Variants in EGFR observed in about 807,000 individuals in gnomAD.
EGFR encodes avian erythroblastic leukemia viral (v-erb-b) oncogene homolog.
A neutral mutation model predicts 143.0 loss-of-function variants in EGFR; 58 were observed. The observed-to-expected ratio is 0.41, with a 90% CI of 0.33 to 0.50. EGFR has a LOEUF of 0.50. Among genes scored for constraint, EGFR ranks in the 20% least tolerant of loss-of-function variants. The pLI, the probability that EGFR is intolerant of heterozygous loss-of-function variation, is 0.39. For synonymous variants in EGFR, 613 were observed against 594.4 expected, an observed-to-expected ratio of 1.03 and a Z score of -0.45; for missense variants, 1,307 against 1,579.0, an observed-to-expected ratio of 0.83 and a Z score of 2.92.
intron 20 of EGFR, among the ~76,000 whole-genome samples, chr7:55,185,737 G>A (rs949066004): frequency 2.6e-5 from 4 of 152,188 alleles, no homozygotes; most frequent in African/African-American, 4.8e-5. Flanking sequence ...AACAACGCAC[G>A]GTAGCGGTGG....
At chr7:55,134,367 G>T (rs552270947) in intron 1 of EGFR, among the ~76,000 whole-genome samples, 1 of 151,448 alleles carries the variant, frequency 6.6e-6, no homozygotes. Flanking sequence ...CCACATGCAG[G>T]TCCAGTTCCA....
intron 8 of EGFR, 38 bp downstream of exon 8, chr7:55,155,984 C>A (rs756738261): frequency 1.3e-6 from 2 of 1,514,578 alleles, no homozygotes; most frequent in Non-Finnish European, 1.8e-6. Flanking sequence ...GGCTTGTTCT[C>A]GGCTGCTGAG....
chr7:55,198,726 T>C lies in EGFR; in HGVS notation c.2711T>C (p.Val904Ala). ...QSDVWSYGVT[V>A]WELMTFGSKP... ...TGCTTCATCCTCTCAGGGGTGACTG[T>C]TTGGGAGTTGATGACCTTTGGATCC... The change falls in exon 23 of 28, where the codon GTT becomes GCT. Residue 904 changes from valine (V) to alanine (A), a missense_variant. Transcript: ENST00000275493. 1 of 1,614,186 alleles carries C rather than the reference T, an allele frequency of 6.2e-7. No individual in the cohort carries two copies. The highest frequency in any genetic ancestry group is 8.5e-7 in the Non-Finnish European group (1 of 1,180,036).
At chr7:55,104,936 AAG>A (rs1455722003) in intron 1 of EGFR, among the ~76,000 whole-genome samples, 1 of 152,240 alleles carries the variant, frequency 6.6e-6, no homozygotes, top group Non-Finnish European at 1.5e-5. Flanking sequence ...ACTCAAGTGA[AAG>A]AGAAAAAGTA....
rs112387447 is a variant in EGFR, at chr7:55,048,886, G to A, written c.88+29521G>A. Among the ~76,000 whole-genome samples the A allele has an allele frequency of 7.0e-3, 1,068 of 152,330 alleles. 9 individuals carry two copies. Among genetic ancestry groups the A allele is most frequent in the Middle Eastern group, 0.031 (9 of 294 alleles). ...ATGACTCTAAGAATTTAAGGAGCAT[G>A]TGAGTGTTGATGGCTCTAAAAGGGT... On this transcript the variant is annotated intron_variant, in intron 1 of 27. Transcript: ENST00000275493.
chr7:55,031,018 T>C (rs1167672288), intron 1 of EGFR, among the ~76,000 whole-genome samples: 2 of 152,262 alleles, frequency 1.3e-5, no homozygotes, highest in African/African-American at 2.4e-5. Flanking sequence ...GAAACTGTTT[T>C]GTTATTGTTT....
intron 17 of EGFR, 94 bp downstream of exon 17, chr7:55,173,218 T>G: frequency 6.6e-7 from 1 of 1,525,584 alleles, no homozygotes; most frequent in Non-Finnish European, 8.9e-7. Context: ...TTGTGTATGT[T>G]AGATACATAA....
intron 1 of EGFR, among the ~76,000 whole-genome samples, chr7:55,085,117 T>C (rs953086219): frequency 2.6e-5 from 4 of 152,108 alleles, no homozygotes; most frequent in African/African-American, 9.7e-5. Context: ...CAGCAGCCTT[T>C]GGAAGCCTAC....
At chr7:55,198,308 T>G (rs994443136) in intron 22 of EGFR, among the ~76,000 whole-genome samples, 1 of 152,338 alleles carries the variant, frequency 6.6e-6, no homozygotes, top group Middle Eastern at 3.4e-3. Flanking sequence ...CTGTTCAGAA[T>G]CTGCATCTTC....
At chr7:55,040,466 T>C (rs1020658418) in intron 1 of EGFR, among the ~76,000 whole-genome samples, 2 of 152,204 alleles carry the variant, frequency 1.3e-5, no homozygotes, top group African/African-American at 2.4e-5. Context: ...TTGGTTAATA[T>C]AAAATGGACA....
chr7:55,202,770 C>A, intron 27 of EGFR, 145 bp downstream of exon 27: 1 of 763,460 alleles, frequency 1.3e-6, no homozygotes, highest in Non-Finnish European at 2.3e-6. Context: ...CAGTGAAGGG[C>A]GTAAGGAGCA....
At chr7:55,132,256 C>T (rs866982637) in intron 1 of EGFR, among the ~76,000 whole-genome samples, 1 of 152,212 alleles carries the variant, frequency 6.6e-6, no homozygotes, top group Non-Finnish European at 1.5e-5. Context: ...AACAAAATCT[C>T]TCTGCAGATA....
chr7:55,122,840 G>T (rs1270677080), intron 1 of EGFR, among the ~76,000 whole-genome samples: 1 of 152,262 alleles, frequency 6.6e-6, no homozygotes, highest in East Asian at 1.9e-4. Context: ...AACAGCATCT[G>T]TCACAATGTG....
chr7:55,083,961 A>G (rs1159977216), intron 1 of EGFR, among the ~76,000 whole-genome samples: 2 of 152,236 alleles, frequency 1.3e-5, no homozygotes, highest in East Asian at 3.9e-4. Flanking sequence ...ATACAGACCC[A>G]AATGAATGGA....
intron 3 of EGFR, among the ~76,000 whole-genome samples, chr7:55,143,944 A>G (rs961167943): frequency 5.3e-5 from 8 of 152,128 alleles, no homozygotes; most frequent in African/African-American, 1.9e-4. Flanking sequence ...TAAGTTAAGG[A>G]TAGAGAATGA....
chr7:55,169,696 G>A (rs554666173), intron 15 of EGFR, among the ~76,000 whole-genome samples: 1 of 152,148 alleles, frequency 6.6e-6, no homozygotes, highest in Admixed American at 6.5e-5. Flanking sequence ...ATCAGCGTCA[G>A]CAGGAGCCCC....
chr7:55,094,361 G>A (rs538662871), intron 1 of EGFR, among the ~76,000 whole-genome samples: 3 of 152,210 alleles, frequency 2.0e-5, no homozygotes, highest in African/African-American at 7.2e-5. Flanking sequence ...CAGGTCGGGG[G>A]GCAGGGGGGG....
rs2128955072 is a variant in EGFR, at chr7:55,174,904, T to C, written c.2283+84T>C. ...CTCATGTCTGGCAGCTGCTCTGCTC[T>C]AGACCCTGCTCATCTCCACATCCTA... On this transcript the variant is annotated intron_variant, in intron 19 of 27. Transcript: ENST00000275493. The C allele has an allele frequency of 8.5e-6, 9 of 1,059,768 alleles. No individual in the cohort carries two copies. The South Asian group carries it at 1.1e-4, about 13-fold the overall frequency. The allele number at this position is 1,059,768 out of a possible 1,614,324, so 65.6% of individuals were successfully genotyped here.
chr7:55,158,516 C>T (rs1311123720), intron 11 of EGFR, among the ~76,000 whole-genome samples: 2 of 152,166 alleles, frequency 1.3e-5, no homozygotes, highest in Non-Finnish European at 2.9e-5. Context: ...ATGTGGCTAC[C>T]GTTGCTTCCC....
Sources: gnomAD v4.1 joint callset for allele counts (sites outside exome capture counted in the v4.1 genomes callset) on GRCh38, gnomAD v4.1.1 for gene constraint, MANE v1.5 for transcripts, NCBI Gene and HGNC (gene_info 2026-07-23, HGNC 2026-07-21) for gene names.